Variants in CNIH3 observed in about 807,000 individuals in gnomAD.
The protein encoded by CNIH3 is cornichon family AMPA receptor auxiliary protein 3.
In CNIH3, 14 loss-of-function variants were observed where a neutral mutation model predicts 24.1. That is an observed-to-expected ratio of 0.58 (90% CI 0.38 to 0.91). The LOEUF is 0.91. Among genes scored for constraint, CNIH3 ranks in the 40% least tolerant of loss-of-function variants. The probability of loss-of-function intolerance (pLI) is 0.00; values close to 1 mark genes in which losing one functional copy is unlikely to be tolerated. For missense variants in CNIH3, 178 were observed against 196.8 expected, an observed-to-expected ratio of 0.90 and a Z score of 0.57; for synonymous variants, 68 against 73.8, an observed-to-expected ratio of 0.92 and a Z score of 0.40.
At position 224,690,892 on chromosome 1, in the gene CNIH3, T is replaced by A. The variant is rs1439179141; in HGVS notation, c.198+6049T>A. On this transcript the variant is annotated intron_variant, in intron 3 of 5. Transcript: ENST00000272133. ...GTGATATGACCACCGGTGCTCCCAC[T>A]AATGGGCACCTGTGTCGGTTTCTTG... Among the ~76,000 whole-genome samples, 8 of 152,114 alleles carry A rather than the reference T, an allele frequency of 5.3e-5. No homozygotes were observed. In the East Asian group the frequency reaches 1.5e-3, roughly 29 times the overall value.
At chr1:224,714,117 A>C (rs1331736916) in intron 3 of CNIH3, among the ~76,000 whole-genome samples, 2 of 152,162 alleles carry the variant, frequency 1.3e-5, no homozygotes, top group African/African-American at 2.4e-5. Flanking sequence ...GCCCGGCCTC[A>C]CTGCAACTTT....
At chr1:224,723,927 A>G (rs1688879736) in intron 3 of CNIH3, among the ~76,000 whole-genome samples, 1 of 152,208 alleles carries the variant, frequency 6.6e-6, no homozygotes, top group South Asian at 2.1e-4. Context: ...TTTTTAAATT[A>G]TTCTAGGACC....
At chr1:224,641,285 C>G (rs1394483437) in intron 1 of CNIH3, among the ~76,000 whole-genome samples, 7 of 152,224 alleles carry the variant, frequency 4.6e-5, no homozygotes, top group Non-Finnish European at 8.8e-5. Flanking sequence ...GGGAATGCTC[C>G]TCCTTGCCCA....
intron 1 of CNIH3, among the ~76,000 whole-genome samples, chr1:224,678,100 G>C (rs1686224495): frequency 6.6e-6 from 1 of 152,074 alleles, no homozygotes. Context: ...GTGTTTATTA[G>C]GATTTATATA....
At chr1:224,644,532 G>A (rs993072740) in intron 1 of CNIH3, among the ~76,000 whole-genome samples, 3 of 152,158 alleles carry the variant, frequency 2.0e-5, no homozygotes, top group Non-Finnish European at 2.9e-5. Flanking sequence ...GCAGCAGGAT[G>A]TATTTGTTGA....
intron 2 of CNIH3, among the ~76,000 whole-genome samples, chr1:224,530,424 C>A (rs1679016452): frequency 6.6e-6 from 1 of 152,044 alleles, no homozygotes; most frequent in Non-Finnish European, 1.5e-5. Flanking sequence ...GTGTTCTAGG[C>A]TTTAGAGCTT....
chr1:224,461,138 G>A (rs1675897552), intron 1 of CNIH3, among the ~76,000 whole-genome samples: 1 of 151,716 alleles, frequency 6.6e-6, no homozygotes, highest in African/African-American at 2.4e-5. Flanking sequence ...GAGTAGCTGG[G>A]ACTACAGGCG....
chr1:224,453,735 A>G (rs996976094), intron 1 of CNIH3, among the ~76,000 whole-genome samples: 5 of 152,094 alleles, frequency 3.3e-5, no homozygotes, highest in African/African-American at 1.2e-4. Flanking sequence ...CAGCCTCAAA[A>G]TTGTGGGATC....
chr1:224,729,376 T>G (rs1572829150), intron 3 of CNIH3, among the ~76,000 whole-genome samples: 2 of 131,778 alleles, frequency 1.5e-5, no homozygotes, highest in South Asian at 4.7e-4. Flanking sequence ...CACGCCACTG[T>G]ACTCCAGCCT....
downstream of CNIH3, chr1:224,588,719 A>G (rs1224267664): frequency 6.6e-6 from 1 of 151,952 alleles, no homozygotes; most frequent in Non-Finnish European, 1.5e-5. Context: ...TGTCCTGAGT[A>G]ATTAGCTGGA....
At position 224,730,517 on chromosome 1, in the gene CNIH3, C is replaced by A; in HGVS notation, c.254C>A (p.Ala85Glu). 1 of 1,562,086 alleles carries A rather than the reference C, an allele frequency of 6.4e-7. No individual in the cohort carries two copies. The highest frequency in any genetic ancestry group is 8.7e-7 in the Non-Finnish European group (1 of 1,151,680). The change falls in exon 4 of 6, where the codon GCG becomes GAG. Residue 85 changes from alanine to glutamate, a missense_variant. Ala to Glu is a moderately radical substitution (Grantham distance 107, BLOSUM62 -1). Coordinates refer to ENST00000272133, the MANE Select transcript of CNIH3 (RefSeq NM_152495.2). Reference protein sequence around the residue: ...HSLFCIMFLCAQEWLTLGLNV... With the variant: ...HSLFCIMFLCEQEWLTLGLNV... ...CTCTTCTGCATTATGTTCCTGTGTG[C>A]GCAAGAGTGGCTCACGCTGGGGCTG...
intron 1 of CNIH3, among the ~76,000 whole-genome samples, chr1:224,444,995 G>C (rs1054134589): frequency 6.6e-6 from 1 of 150,870 alleles, no homozygotes; most frequent in African/African-American, 2.4e-5. Flanking sequence ...TATGTAGAAA[G>C]GAGTATATAC....
intron 1 of CNIH3, among the ~76,000 whole-genome samples, chr1:224,485,497 C>T (rs1421619355): frequency 2.0e-5 from 3 of 152,068 alleles, no homozygotes; most frequent in Non-Finnish European, 4.4e-5. Context: ...ACCACCGCCC[C>T]CCTTTATTTT....
intron 1 of CNIH3, among the ~76,000 whole-genome samples, chr1:224,470,912 A>C (rs1676343340): frequency 6.6e-6 from 1 of 152,216 alleles, no homozygotes; most frequent in Non-Finnish European, 1.5e-5. Context: ...GATAAATGAG[A>C]TATCCATAAC....
intron 1 of CNIH3, among the ~76,000 whole-genome samples, chr1:224,452,856 C>T (rs920565050): frequency 8.7e-5 from 13 of 150,044 alleles, no homozygotes; most frequent in African/African-American, 3.2e-4. Context: ...TGCGGTGGCT[C>T]GTGCCTGTAA....
intron 4 of CNIH3, among the ~76,000 whole-genome samples, chr1:224,581,819 G>A (rs1285367632): frequency 6.6e-6 from 1 of 152,140 alleles, no homozygotes; most frequent in South Asian, 2.1e-4. Flanking sequence ...TAACATTTAA[G>A]TCACTTATAA....
intron 1 of CNIH3, among the ~76,000 whole-genome samples, chr1:224,505,642 AC>A (rs1677878574): frequency 6.6e-6 from 1 of 152,252 alleles, no homozygotes; most frequent in Non-Finnish European, 1.5e-5. Context: ...GAGTAACTTG[AC>A]TAGGATTACG....
chr1:224,536,284 CTTTTTTTTTT>C (rs373201561), intron 2 of CNIH3, among the ~76,000 whole-genome samples: 2,496 of 86,122 alleles, frequency 0.029, 45 homozygotes, highest in Middle Eastern at 0.065. Flanking sequence ...TAATTGTTGT[CTTTTTTTTTT>C]TTTTTTTTTT....
At position 224,601,630 on chromosome 1, in the gene CNIH3, G is replaced by A. The variant is rs943744512; in HGVS notation, n.402+35366G>A. Among the ~76,000 whole-genome samples, 17 of 152,234 alleles carry A rather than the reference G, an allele frequency of 1.1e-4. No individual in the cohort carries two copies. In the East Asian group the frequency reaches 1.2e-3, roughly 10 times the overall value. On this transcript the variant is annotated intron_variant and non_coding_transcript_variant, in intron 3 of 7. Coordinates refer to the CNIH3 transcript ENST00000478120. ...GGTCATGTCTGCCTGACTACCTACT[G>A]TAACACTAGGATGAGAGCCCTCATG...
Sources: allele counts gnomAD v4.1 joint callset (sites outside exome capture counted in the v4.1 genomes callset), GRCh38; gene constraint gnomAD v4.1.1; transcripts MANE v1.5; gene names NCBI Gene and HGNC (gene_info 2026-07-23, HGNC 2026-07-21).